The following EFHC2 variants were observed in gnomAD, a reference collection of about 807,000 sequenced individuals.
The protein encoded by EFHC2 is EF-hand domain containing 2.
In EFHC2, 18 loss-of-function variants were observed where a neutral mutation model predicts 52.7. The observed-to-expected ratio is 0.34, with a 90% confidence interval of 0.24 to 0.51. The LOEUF is 0.51. Among genes scored for constraint, EFHC2 ranks in the 20% least tolerant of loss-of-function variants. The probability of loss-of-function intolerance (pLI) is 0.97; values close to 1 mark genes in which losing one functional copy is unlikely to be tolerated. For missense variants in EFHC2, 513 were observed against 562.5 expected (o/e 0.91, Z 0.89); for synonymous variants, 203 against 204.1 (o/e 0.99, Z 0.04).
intron 3 of EFHC2, among the ~76,000 whole-genome samples, chrX:44,266,896 A>T (rs1328438568): frequency 1.8e-5 from 2 of 111,203 alleles, no homozygotes; most frequent in African/African-American, 6.5e-5. Flanking sequence ...AGTATTAAAA[A>T]ATATATATAT....
intron 1 of EFHC2, among the ~76,000 whole-genome samples, chrX:44,326,717 A>ATTTTTTT (rs773265380): frequency 4.4e-5 from 2 of 45,053 alleles, no homozygotes; most frequent in Admixed American, 3.2e-4. Flanking sequence ...ATGGAGTCTG[A>ATTTTTTT]TTTTTTTTTT....
chrX:44,265,384 T>A (rs2037569149), intron 3 of EFHC2, among the ~76,000 whole-genome samples: 1 of 111,200 alleles, frequency 9.0e-6, no homozygotes. Flanking sequence ...CGATCCTCCC[T>A]ACCTCAACCT....
At chrX:44,279,941 C>T (rs2037689377) in intron 2 of EFHC2, among the ~76,000 whole-genome samples, 1 of 109,036 alleles carries the variant, frequency 9.2e-6, no homozygotes, top group African/African-American at 3.4e-5. Flanking sequence ...ATTAGAATCA[C>T]CTATAGAGCT....
intron 1 of EFHC2, among the ~76,000 whole-genome samples, chrX:44,338,750 T>A (rs1569311566): frequency 9.2e-6 from 1 of 109,195 alleles, no homozygotes; most frequent in South Asian, 3.9e-4. Context: ...AAGCTGGTCA[T>A]GATTCATTAA....
At chrX:44,292,240 G>A (rs749693703) in intron 2 of EFHC2, among the ~76,000 whole-genome samples, 13 of 110,466 alleles carry the variant, frequency 1.2e-4, no homozygotes, top group Non-Finnish European at 2.3e-4. Flanking sequence ...ACATATGTAT[G>A]TACATATGTA....
intron 9 of EFHC2, among the ~76,000 whole-genome samples, chrX:44,235,007 T>C (rs1470442767): frequency 4.5e-5 from 5 of 111,474 alleles, no homozygotes; most frequent in Admixed American, 9.6e-5. Context: ...TTGAAGCCCT[T>C]GGGTTCCACA....
intron 11 of EFHC2, among the ~76,000 whole-genome samples, chrX:44,181,763 C>T (rs972938785): frequency 1.3e-4 from 15 of 112,587 alleles, no homozygotes; most frequent in Admixed American, 2.8e-4. Flanking sequence ...GGTTCCTGCA[C>T]GAGGGATCTC....
intron 11 of EFHC2, among the ~76,000 whole-genome samples, chrX:44,219,067 G>A (rs1363507151): frequency 9.9e-6 from 1 of 101,304 alleles, no homozygotes; most frequent in Non-Finnish European, 2.0e-5. Flanking sequence ...CATACTGAAC[G>A]AAAGAAGTCA....
intron 4 of EFHC2, among the ~76,000 whole-genome samples, chrX:44,258,640 C>T (rs1208919088): frequency 9.1e-6 from 1 of 110,176 alleles, no homozygotes; most frequent in Non-Finnish European, 1.9e-5. Flanking sequence ...ATCACGAGGT[C>T]AGGAGTTCAA....
At chrX:44,224,383 T>G (rs1267863464) in intron 11 of EFHC2, among the ~76,000 whole-genome samples, 1 of 111,877 alleles carries the variant, frequency 8.9e-6, no homozygotes, top group Non-Finnish European at 1.9e-5. Context: ...TGTATTACTA[T>G]CCCCATTTTA....
chrX:44,158,097 T>C (rs2036622398), intron 14 of EFHC2, among the ~76,000 whole-genome samples: 1 of 111,206 alleles, frequency 9.0e-6, no homozygotes, highest in African/African-American at 3.3e-5. Flanking sequence ...GTTTCTGACC[T>C]CTCCCTTCTC....
At chrX:44,262,348 T>C (rs1033912390) in intron 3 of EFHC2, among the ~76,000 whole-genome samples, 2 of 105,376 alleles carry the variant, frequency 1.9e-5, no homozygotes, top group Non-Finnish European at 3.9e-5. Context: ...AAAAAAAAAT[T>C]AATTAAAAAA....
At chrX:44,223,585 C>G (rs1350879252) in intron 11 of EFHC2, among the ~76,000 whole-genome samples, 1 of 111,292 alleles carries the variant, frequency 9.0e-6, no homozygotes, top group Non-Finnish European at 1.9e-5. Context: ...CACCACCAGA[C>G]AGTGACAGAA....
intron 14 of EFHC2, among the ~76,000 whole-genome samples, chrX:44,161,459 C>T (rs752722209): frequency 8.9e-6 from 1 of 111,821 alleles, no homozygotes; most frequent in East Asian, 2.8e-4. Context: ...TAGACAAGTG[C>T]TGTGGACTTT....
At chrX:44,243,785 A>T (rs1199869550) in intron 7 of EFHC2, among the ~76,000 whole-genome samples, 2 of 107,122 alleles carry the variant, frequency 1.9e-5, no homozygotes, top group Non-Finnish European at 3.8e-5. Flanking sequence ...TGCTATTTTT[A>T]TGGTGATTTT....
At chrX:44,233,955 C>T (rs1456706927) in intron 9 of EFHC2, among the ~76,000 whole-genome samples, 1 of 111,493 alleles carries the variant, frequency 9.0e-6, no homozygotes, top group Non-Finnish European at 1.9e-5. Flanking sequence ...TCAACCTTGT[C>T]GAAATTTTCT....
At chrX:44,278,487 T>C (rs778546598) in intron 2 of EFHC2, among the ~76,000 whole-genome samples, 3 of 112,132 alleles carry the variant, frequency 2.7e-5, no homozygotes, top group Non-Finnish European at 5.6e-5. Context: ...CAGGACATGC[T>C]ACCTCGGCAA....
At chrX:44,342,481 T>C (rs765267607) in intron 1 of EFHC2, among the ~76,000 whole-genome samples, 6 of 112,096 alleles carry the variant, frequency 5.4e-5, no homozygotes, top group African/African-American at 1.9e-4. Flanking sequence ...ATCATTTTCC[T>C]GCTGTCGTTT....
chrX:44,260,285 A>G (rs1035972641), intron 4 of EFHC2, among the ~76,000 whole-genome samples: 1 of 111,330 alleles, frequency 9.0e-6, no homozygotes, highest in African/African-American at 3.3e-5. Context: ...TCACACTTCA[A>G]TAGAAAAGGA....
Sources: gnomAD v4.1 joint callset for allele counts (sites outside exome capture counted in the v4.1 genomes callset) on GRCh38, gnomAD v4.1.1 for gene constraint, MANE v1.5 for transcripts, NCBI Gene and HGNC (gene_info 2026-07-23, HGNC 2026-07-21) for gene names.